OLFML2A: variants seen among roughly 807,000 people sequenced by gnomAD.
OLFML2A encodes the protein olfactomedin-like protein 2A.
A neutral mutation model predicts 60.9 loss-of-function variants in OLFML2A; 47 were observed. The observed-to-expected ratio is 0.77, with a 90% CI of 0.61 to 0.98. OLFML2A has a LOEUF of 0.98. OLFML2A is among the 50% of genes least tolerant of loss of function. The pLI is 0.00. For missense variants in OLFML2A, 922 were observed against 879.8 expected (o/e 1.05, Z -0.61); for synonymous variants, 372 against 375.0 (o/e 0.99, Z 0.09).
In OLFML2A at chr9:124,810,222, C is replaced by T. The variant is rs1184291565; in HGVS notation, c.1769C>T (p.Thr590Met). 4.3e-6 allele frequency: 7 copies of T among 1,613,556 alleles called. No individual in the cohort carries two copies. The Admixed American group carries it at 5.0e-5, about 12-fold the overall frequency. ...LVCGILYAVD[T>M]YNQQEGQVAY... Reference sequence around the variant, plus strand: ...TGCGGCATCCTGTATGCCGTGGACACGTACAACCAGCAGGAAGGCCAGGTC... The same window carrying T: ...TGCGGCATCCTGTATGCCGTGGACATGTACAACCAGCAGGAAGGCCAGGTC... The change falls in exon 8 of 8, where the codon ACG becomes ATG. Residue 590 changes from threonine (T) to methionine (M), a missense_variant. Transcript: ENST00000373580.
chr9:124,799,265 C>G lies in OLFML2A; in HGVS notation c.463-20C>G, dbSNP rs551103059. 313 of 1,564,432 alleles carry G rather than the reference C, an allele frequency of 2.0e-4. 1 individual carries two copies. In the East Asian group the frequency reaches 6.6e-3, roughly 33 times the overall value. ...AGGAAGCTGGCCCAGGAAAGACCTC[C>G]AATCCTGCCCCCTCCGCAGAGCATC... On this transcript the variant is annotated intron_variant, in intron 3 of 7. Transcript: ENST00000373580.
chr9:124,806,235 CAAAT>C (rs1226472041), intron 6 of OLFML2A, among the ~76,000 whole-genome samples: 2 of 151,786 alleles, frequency 1.3e-5, no homozygotes, highest in South Asian at 2.1e-4. Flanking sequence ...TTTGTACTGA[CAAAT>C]AAAAATTGTA....
At chr9:124,794,303 C>T (rs539107138) in intron 2 of OLFML2A, among the ~76,000 whole-genome samples, 98 of 152,226 alleles carry the variant, frequency 6.4e-4, no homozygotes, top group Admixed American at 3.9e-4. Context: ...ACTTTGGGGG[C>T]GAAGCAACTC....
intron 3 of OLFML2A, among the ~76,000 whole-genome samples, chr9:124,798,603 GC>G (rs1165577819): frequency 9.9e-5 from 15 of 151,926 alleles, no homozygotes; most frequent in Non-Finnish European, 1.9e-4. Context: ...GGAGGCCAAG[GC>G]GGGCGGATCA....
rs1287450850 is a variant in OLFML2A at position 124,786,990 on chromosome 9, G to A, written c.106G>A (p.Asp36Asn). 5.0e-6 allele frequency: 8 copies of A among 1,611,686 alleles called. No homozygotes were observed. Among genetic ancestry groups the A allele is most frequent in the Non-Finnish European group, 6.8e-6 (8 of 1,178,346 alleles). ...CCCGCAACAGGTGTTTGGGGACCTGGACCAGGTGAGGATGACCTCGGAGGG... is the reference window on the plus strand; with the variant it reads ...CCCGCAACAGGTGTTTGGGGACCTGAACCAGGTGAGGATGACCTCGGAGGG... Reference protein sequence around the residue: ...RADSKVFGDLDQVRMTSEGSD... With the variant: ...RADSKVFGDLNQVRMTSEGSD... Residue 36 changes from aspartate to asparagine, a missense_variant, in exon 2 of 8, where the codon GAC becomes AAC. Physicochemically the swap from Asp to Asn is conservative, Grantham distance 23 (BLOSUM62 1). Transcript: ENST00000373580.
chr9:124,810,361 C>A lies in OLFML2A; in HGVS notation c.1908C>A (p.Tyr636Ter), dbSNP rs757608633. The A allele has an allele frequency of 1.9e-6, 3 of 1,602,574 alleles. No homozygotes were observed. The highest frequency in any genetic ancestry group is 2.5e-6 in the Non-Finnish European group (3 of 1,179,834). ...ACAACCCCAAGGAGCGGGTGCTGTACGCCTGGGACAATGGCCACCAGCTCA... is the reference window on the plus strand; with the variant it reads ...ACAACCCCAAGGAGCGGGTGCTGTAAGCCTGGGACAATGGCCACCAGCTCA... ...IDYNPKERVL[Y>*]AWDNGHQLTY... Residue 636 changes from tyrosine (Y) to a stop codon, truncating the protein, a stop_gained, in exon 8 of 8, where the codon TAC becomes TAA. Coordinates refer to ENST00000373580, the MANE Select transcript of OLFML2A (RefSeq NM_182487.4). LOFTEE classifies it high-confidence loss of function.
intron 2 of OLFML2A, among the ~76,000 whole-genome samples, chr9:124,790,819 C>A (rs952661902): frequency 6.6e-6 from 1 of 152,058 alleles, no homozygotes; most frequent in African/African-American, 2.4e-5. Context: ...TAAGCATCCC[C>A]CAAGGAAGGA....
intron 2 of OLFML2A, among the ~76,000 whole-genome samples, chr9:124,792,564 G>A (rs1329051405): frequency 6.6e-6 from 1 of 152,208 alleles, no homozygotes; most frequent in Non-Finnish European, 1.5e-5. Flanking sequence ...GGTGGCAGGG[G>A]CAGATCATGG....
intron 6 of OLFML2A, 23 bp downstream of exon 6, chr9:124,804,365 A>G: frequency 6.6e-7 from 1 of 1,523,040 alleles, no homozygotes; most frequent in Non-Finnish European, 8.8e-7. Context: ...CACAGGAGTC[A>G]GCACACTGTA....
In OLFML2A at chr9:124,813,694, A is replaced by G. The variant is rs962334028; in HGVS notation, c.*3282A>G. ...CCAAGGAGTGGATGCCTCCAGTCATATTTAGAACAAAGTCAAGTATAAATT... is the reference window on the plus strand; with the variant it reads ...CCAAGGAGTGGATGCCTCCAGTCATGTTTAGAACAAAGTCAAGTATAAATT... On this transcript the variant is annotated 3_prime_UTR_variant, in exon 8 of 8. Coordinates refer to ENST00000373580, the MANE Select transcript of OLFML2A (RefSeq NM_182487.4). The G allele has an allele frequency of 2.0e-5, 3 of 152,212 alleles. No homozygotes were observed. Among genetic ancestry groups the G allele is most frequent in the African/African-American group, 7.2e-5 (3 of 41,452 alleles). 9.4% of individuals were successfully genotyped at this position (152,212 alleles called of 1,614,324 possible).
chr9:124,781,807 A>AT (rs1841364940), intron 1 of OLFML2A, among the ~76,000 whole-genome samples: 1 of 151,726 alleles, frequency 6.6e-6, no homozygotes, highest in African/African-American at 2.4e-5. Flanking sequence ...AAAAAAAAAA[A>AT]GACACAAGTT....
chr9:124,795,803 T>G (rs1841658110), intron 3 of OLFML2A, among the ~76,000 whole-genome samples: 2 of 152,032 alleles, frequency 1.3e-5, no homozygotes, highest in Admixed American at 6.6e-5. Context: ...GTGCCCCCCC[T>G]GGGTTGGTAA....
rs578023031 is a variant in OLFML2A at position 124,779,263 on chromosome 9, C to T, written c.90+1903C>T. Among the ~76,000 whole-genome samples the T allele has an allele frequency of 1.3e-5, 2 of 152,338 alleles. No homozygotes were observed. The highest frequency in any genetic ancestry group is 1.9e-4 in the East Asian group (1 of 5,188). On this transcript the variant is annotated intron_variant, in intron 1 of 7. Transcript: ENST00000373580. This position sits in a 1 kb window ranked among gnomAD's most constrained non-coding sequence, Gnocchi z 4.1. ...GGCTTCAGTTTCTTCATCTAAGAAA[C>T]ATCTCCCCAACCTTCCTTCCATATG...
At position 124,812,737 on chromosome 9, in the gene OLFML2A, T is replaced by A. The variant is rs1164545061; in HGVS notation, c.*2325T>A. On this transcript the variant is annotated 3_prime_UTR_variant, in exon 8 of 8. Transcript: ENST00000373580. ...CTTTCATGACATCATAGCCCAACCA[T>A]GTGAGAAGAAGGAGAAGGCCCCCCT... 6.6e-6 allele frequency: 1 copy of A among 151,934 alleles called. No individual in the cohort carries two copies. The highest frequency in any genetic ancestry group is 1.5e-5 in the Non-Finnish European group (1 of 67,998). 9.4% of individuals were successfully genotyped at this position (151,934 alleles called of 1,614,324 possible).
At position 124,777,409 on chromosome 9, in the gene OLFML2A, AG is replaced by A; in HGVS notation, c.90+54del. 1 of 1,222,328 alleles carries A rather than the reference AG, an allele frequency of 8.2e-7. No homozygotes were observed. The highest frequency in any genetic ancestry group is 1.0e-6 in the Non-Finnish European group (1 of 981,068). The allele number at this position is 1,222,328 out of a possible 1,614,324, so 75.7% of individuals were successfully genotyped here. A position where few individuals can be genotyped will look rare whatever the true frequency, so the allele number is the denominator to read the frequency against. On this transcript the variant is annotated intron_variant, in intron 1 of 7. Coordinates refer to ENST00000373580, the MANE Select transcript of OLFML2A (RefSeq NM_182487.4). This position sits in a 1 kb window ranked among gnomAD's most constrained non-coding sequence, Gnocchi z 6.2. ...GCGGCTCGGCGGGTAGCGGGGCGCGAGGGGGCGCTGTGGCTGGGGTGCGGCC... is the reference window on the plus strand; with the variant it reads ...GCGGCTCGGCGGGTAGCGGGGCGCGAGGGGCGCTGTGGCTGGGGTGCGGCC...
rs879923620 is a variant in OLFML2A at position 124,811,093 on chromosome 9, T to G, written c.*681T>G. 1 of 152,322 alleles carries G rather than the reference T, an allele frequency of 6.6e-6. No homozygotes were observed. The allele number at this position is 152,322 out of a possible 1,614,324, so 9.4% of individuals were successfully genotyped here. A position where few individuals can be genotyped will look rare whatever the true frequency, so the allele number is the denominator to read the frequency against. On this transcript the variant is annotated 3_prime_UTR_variant, in exon 8 of 8. Coordinates refer to ENST00000373580, the MANE Select transcript of OLFML2A (RefSeq NM_182487.4). ...CAAACCTCTACCGTCACCTAGCTGC[T>G]GAGCAGAAACCGCACCCCGAGAGAA...
intron 3 of OLFML2A, among the ~76,000 whole-genome samples, chr9:124,795,852 C>T (rs1841659474): frequency 6.6e-6 from 1 of 152,236 alleles, no homozygotes; most frequent in African/African-American, 2.4e-5. Context: ...GGCTAGTGCC[C>T]AGCTGCTGTG....
At chr9:124,803,912 T>C (rs1841833337) in intron 5 of OLFML2A, among the ~76,000 whole-genome samples, 182 bp from the exon 6 acceptor site, 1 of 152,176 alleles carries the variant, frequency 6.6e-6, no homozygotes, top group African/African-American at 2.4e-5. Flanking sequence ...GCCCTGGCTG[T>C]GAAGTCCTCC....
rs922667798 is a variant in OLFML2A, at chr9:124,777,899, G to A, written c.90+539G>A. Among the ~76,000 whole-genome samples the A allele has an allele frequency of 6.6e-6, 1 of 152,176 alleles. No individual in the cohort carries two copies. Among genetic ancestry groups the A allele is most frequent in the African/African-American group, 2.4e-5 (1 of 41,448 alleles). On this transcript the variant is annotated intron_variant, in intron 1 of 7. Coordinates refer to ENST00000373580, the MANE Select transcript of OLFML2A (RefSeq NM_182487.4). This position sits in a 1 kb window ranked among gnomAD's most constrained non-coding sequence, Gnocchi z 6.2. Reference sequence around the variant, plus strand: ...GAGCTGTTCTCTGCTGTGGCTAAGAGGATCTGCTCTGGTGTCAAGCCGACC... The same window carrying A: ...GAGCTGTTCTCTGCTGTGGCTAAGAAGATCTGCTCTGGTGTCAAGCCGACC...
Sources: allele counts gnomAD v4.1 joint callset (sites outside exome capture counted in the v4.1 genomes callset), GRCh38; gene constraint gnomAD v4.1.1; non-coding constraint Gnocchi (gnomAD v3.1); transcripts MANE v1.5; gene names NCBI Gene and HGNC (gene_info 2026-07-23, HGNC 2026-07-21).